The following NOX3 variants were observed in gnomAD, a reference collection of about 807,000 sequenced individuals.
NOX3 encodes NADPH oxidase 3, also known as NADPH oxidase catalytic subunit-like 3.
A neutral mutation model predicts 76.7 loss-of-function variants in NOX3; 74 were observed. The observed-to-expected ratio is 0.96, with a 90% CI of 0.80 to 1.17. The LOEUF is 1.17. Among genes scored for constraint, NOX3 ranks in the 50% most tolerant of loss-of-function variants. The probability of loss-of-function intolerance (pLI) is 0.00; values close to 1 mark genes in which losing one functional copy is unlikely to be tolerated. For synonymous variants in NOX3, 263 were observed against 261.1 expected (o/e 1.01, Z -0.07); for missense variants, 695 against 703.3 (o/e 0.99, Z 0.13).
intron 8 of NOX3, among the ~76,000 whole-genome samples, chr6:155,430,529 C>G (rs1187824855): frequency 6.6e-6 from 1 of 151,936 alleles, no homozygotes; most frequent in Non-Finnish European, 1.5e-5. Context: ...GTCACTATGA[C>G]CCATGTAAAG....
rs117385276 is a variant in NOX3, at chr6:155,416,994, G to A, written c.1309-5634C>T. Among the ~76,000 whole-genome samples the A allele has an allele frequency of 0.011, 1,688 of 151,824 alleles. 64 individuals are homozygous for A. The East Asian group carries it at 0.13, about 12-fold the overall frequency. On this transcript the variant is annotated intron_variant, in intron 10 of 13. Transcript: ENST00000159060. ...TCCAACTCCTGGCCTCAGGTGTTCC[G>A]CCCACCTCGACCTCCCAAAATGCTG...
At chr6:155,417,753 G>A (rs1414682521) in intron 10 of NOX3, among the ~76,000 whole-genome samples, 1 of 152,122 alleles carries the variant, frequency 6.6e-6, no homozygotes, top group African/African-American at 2.4e-5. Context: ...AAGAGAGCAG[G>A]CCCTCCTTTG....
intron 4 of NOX3, among the ~76,000 whole-genome samples, chr6:155,447,839 C>T (rs1328611475): frequency 6.6e-6 from 1 of 152,206 alleles, no homozygotes; most frequent in Admixed American, 6.5e-5. Flanking sequence ...ATACCAACCG[C>T]TAAATTCAGA....
chr6:155,454,583 G>T (rs1180179758), intron 3 of NOX3, among the ~76,000 whole-genome samples: 3 of 152,178 alleles, frequency 2.0e-5, no homozygotes, highest in Non-Finnish European at 4.4e-5. Flanking sequence ...AAACTGTTTA[G>T]CAATGAGTTG....
At chr6:155,395,730 G>A (rs141582301) in intron 13 of NOX3, among the ~76,000 whole-genome samples, 156 bp from the exon 14 acceptor site, 117 of 152,284 alleles carry the variant, frequency 7.7e-4, no homozygotes, top group Non-Finnish European at 1.2e-3. Context: ...TATAAGATGT[G>A]AGGACTACTT....
intron 12 of NOX3, among the ~76,000 whole-genome samples, chr6:155,400,843 C>T (rs1481637825): frequency 6.6e-6 from 1 of 152,110 alleles, no homozygotes; most frequent in Non-Finnish European, 1.5e-5. Context: ...GACACTTGTC[C>T]CAGCTCCCTC....
At chr6:155,412,001 T>G (rs1030248549) in intron 10 of NOX3, among the ~76,000 whole-genome samples, 1 of 152,030 alleles carries the variant, frequency 6.6e-6, no homozygotes, top group Admixed American at 6.6e-5. Context: ...ATTAAGCAAA[T>G]GGCATGTGAC....
intron 10 of NOX3, among the ~76,000 whole-genome samples, chr6:155,421,996 T>G (rs1339610193): frequency 6.6e-6 from 1 of 152,174 alleles, no homozygotes; most frequent in Non-Finnish European, 1.5e-5. Context: ...GACAAAGGGT[T>G]AAGCAGAGAA....
chr6:155,453,552 G>C, intron 3 of NOX3, 64 bp from the exon 4 acceptor site: 3 of 1,268,076 alleles, frequency 2.4e-6, no homozygotes, highest in Non-Finnish European at 3.5e-6. Context: ...TCTCATGAAA[G>C]TTAAGAGAGT....
chr6:155,442,128 G>A (rs1200955643), intron 5 of NOX3, among the ~76,000 whole-genome samples: 2 of 152,182 alleles, frequency 1.3e-5, no homozygotes, highest in African/African-American at 4.8e-5. Context: ...GCTGGGCGTG[G>A]TGGCGGGTGC....
intron 11 of NOX3, among the ~76,000 whole-genome samples, chr6:155,409,876 G>A (rs1052067258): frequency 9.2e-5 from 14 of 152,144 alleles, no homozygotes; most frequent in African/African-American, 3.4e-4. Flanking sequence ...GGGCAGGATT[G>A]TGTTGTCGCC....
chr6:155,437,245 C>T (rs965729022), intron 6 of NOX3, among the ~76,000 whole-genome samples: 5 of 152,110 alleles, frequency 3.3e-5, no homozygotes, highest in African/African-American at 1.2e-4. Context: ...GTACAAGCTC[C>T]TAGGGTTCCT....
chr6:155,438,587 G>A (rs575917370), intron 6 of NOX3, among the ~76,000 whole-genome samples: 2 of 152,340 alleles, frequency 1.3e-5, no homozygotes, highest in East Asian at 3.9e-4. Flanking sequence ...CAGAAGTAGG[G>A]GGCTGAGAAG....
intron 4 of NOX3, among the ~76,000 whole-genome samples, chr6:155,449,135 G>T (rs1198243174): frequency 6.6e-6 from 1 of 152,104 alleles, no homozygotes. Flanking sequence ...TCAAGCCTGG[G>T]TCTCCAAATC....
At position 155,428,808 on chromosome 6, in the gene NOX3, G is replaced by C. The variant is rs772094396; in HGVS notation, c.1131C>G (p.Pro377=). The C allele has an allele frequency of 6.6e-7, 1 of 1,517,056 alleles. No homozygotes were observed. Among genetic ancestry groups the C allele is most frequent in the South Asian group, 1.3e-5 (1 of 75,376 alleles). 94.0% of individuals were successfully genotyped at this position (1,517,056 alleles called of 1,614,324 possible). ...FGAEGQALQE[P]WSLPRLAVDG... ...TGGGCACGAACCTTGGCAGGCTCCA[G>C]GGCTCCTGGAGGGCCTGTCCCTCTG... Residue 377 remains proline (P), a synonymous_variant, in exon 9 of 14, where the codon CCC becomes CCG. Transcript: ENST00000159060.
At position 155,422,804 on chromosome 6, in the gene NOX3, G is replaced by C. The variant is rs1417815692; in HGVS notation, c.1198C>G (p.Pro400Ala). 1 of 1,614,192 alleles carries C rather than the reference G, an allele frequency of 6.2e-7. No individual in the cohort carries two copies. The highest frequency in any genetic ancestry group is 1.7e-5 in the Admixed American group (1 of 60,028). ...GTALTDVFHY[P>A]VCVCVAAGIG... ...CCCGCGGCAACGCACACACACACTG[G>C]GTAGTGAAATACATCTGTCAGGGCA... Residue 400 changes from proline (P) to alanine (A), a missense_variant, in exon 10 of 14, where the codon CCA (proline) becomes GCA (alanine). By Grantham distance (27) the Pro-to-Ala change is conservative (BLOSUM62 -1). Coordinates refer to ENST00000159060, the MANE Select transcript of NOX3 (RefSeq NM_015718.3).
At chr6:155,423,933 A>ATTT (rs1776724806) in intron 9 of NOX3, among the ~76,000 whole-genome samples, 1 of 151,738 alleles carries the variant, frequency 6.6e-6, no homozygotes, top group Non-Finnish European at 1.5e-5. Flanking sequence ...CATAGAGACG[A>ATTT]GGTTTGACCA....
chr6:155,439,811 C>T (rs955137318), intron 6 of NOX3, 145 bp downstream of exon 6: 19 of 545,560 alleles, frequency 3.5e-5, no homozygotes, highest in Admixed American at 1.5e-4. Context: ...ACTGAAAAAG[C>T]GTTTGCCACA....
chr6:155,445,945 AAT>A (rs1464928479), intron 4 of NOX3, among the ~76,000 whole-genome samples: 28 of 139,532 alleles, frequency 2.0e-4, no homozygotes, highest in East Asian at 1.0e-3. Flanking sequence ...ATAGATATAT[AAT>A]ATATATATGC....
Sources: allele counts gnomAD v4.1 joint callset (sites outside exome capture counted in the v4.1 genomes callset), GRCh38; gene constraint gnomAD v4.1.1; transcripts MANE v1.5; gene names NCBI Gene and HGNC (gene_info 2026-07-23, HGNC 2026-07-21).